DAB1: variants seen among roughly 807,000 people sequenced by gnomAD.
DAB1 encodes DAB adaptor protein 1.
In DAB1, 15 loss-of-function variants were observed where a neutral mutation model predicts 64.6. The observed-to-expected ratio is 0.23, with a 90% confidence interval of 0.16 to 0.36. The LOEUF (loss-of-function observed/expected upper bound fraction) is 0.36. Among genes scored for constraint, DAB1 ranks in the 10% least tolerant of loss-of-function variants. DAB1 has a pLI of 1.00. For synonymous variants in DAB1, 235 were observed against 251.9 expected (o/e 0.93, Z 0.64); for missense variants, 596 against 706.7 (o/e 0.84, Z 1.78).
intron 9 of DAB1, among the ~76,000 whole-genome samples, chr1:57,048,563 C>T (rs1370189346): frequency 2.0e-5 from 3 of 152,200 alleles, no homozygotes; most frequent in Non-Finnish European, 2.9e-5. Flanking sequence ...CTTCACTTCT[C>T]CTACCCACGT....
At chr1:57,189,883 G>A (rs528656149) in intron 2 of DAB1, among the ~76,000 whole-genome samples, 6 of 152,070 alleles carry the variant, frequency 3.9e-5, no homozygotes, top group South Asian at 2.1e-4. Flanking sequence ...CAACCATAAG[G>A]GTCTGTCATG....
chr1:57,131,905 G>T (rs1052863031), intron 4 of DAB1, among the ~76,000 whole-genome samples: 7 of 152,034 alleles, frequency 4.6e-5, no homozygotes, highest in African/African-American at 1.7e-4. Flanking sequence ...GTGAGTCATT[G>T]TGCTAGCTAG....
chr1:57,460,325 A>G (rs1157668267), intron 7 of DAB1, among the ~76,000 whole-genome samples: 2 of 152,104 alleles, frequency 1.3e-5, no homozygotes, highest in Admixed American at 1.3e-4. Context: ...CTTTGCTCTT[A>G]TTATTATTCT....
intron 4 of DAB1, among the ~76,000 whole-genome samples, chr1:58,224,824 A>C (rs1316330230): frequency 6.6e-6 from 1 of 152,202 alleles, no homozygotes; most frequent in African/African-American, 2.4e-5. Flanking sequence ...GATGGATTAA[A>C]GACTTAAATG....
intron 1 of DAB1, among the ~76,000 whole-genome samples, chr1:57,846,541 G>A (rs1430023569): frequency 6.6e-6 from 1 of 150,680 alleles, no homozygotes. Context: ...AAAATACATT[G>A]AAAGCCTACT....
intron 3 of DAB1, among the ~76,000 whole-genome samples, chr1:58,396,485 G>T (rs781444586): frequency 6.6e-6 from 1 of 151,958 alleles, no homozygotes; most frequent in Non-Finnish European, 1.5e-5. Flanking sequence ...AGGAGAGAAA[G>T]AAAACACAGA....
chr1:58,535,969 TGTTA>T (rs142160451), intron 1 of DAB1, among the ~76,000 whole-genome samples: 4,086 of 152,228 alleles, frequency 0.027, 181 homozygotes, highest in African/African-American at 0.092. Flanking sequence ...TTACATACTG[TGTTA>T]GTATTTAAAA....
At chr1:57,213,102 T>C (rs900368279) in intron 2 of DAB1, among the ~76,000 whole-genome samples, 2 of 151,194 alleles carry the variant, frequency 1.3e-5, no homozygotes, top group African/African-American at 4.9e-5. Flanking sequence ...TAAAGCAGCA[T>C]TGTCCAAAAA....
At chr1:57,149,293 G>T (rs1038438940) in intron 2 of DAB1, among the ~76,000 whole-genome samples, 1 of 152,112 alleles carries the variant, frequency 6.6e-6, no homozygotes, top group Non-Finnish European at 1.5e-5. Context: ...GAACATTTGT[G>T]TACAAGTTTT....
intron 4 of DAB1, among the ~76,000 whole-genome samples, chr1:58,321,032 C>T (rs1039389540): frequency 2.0e-5 from 3 of 152,214 alleles, no homozygotes; most frequent in Non-Finnish European, 4.4e-5. Flanking sequence ...TGACTTAGCC[C>T]TTGGCTCTAG....
At chr1:58,118,429 T>C (rs370666008) in intron 5 of DAB1, among the ~76,000 whole-genome samples, 1 of 114,664 alleles carries the variant, frequency 8.7e-6, no homozygotes, top group Non-Finnish European at 1.7e-5. Context: ...AGATAATACT[T>C]ATAGGAGATA....
At chr1:58,118,503 T>TATATATATATATATATATATAC (rs1341446315) in intron 5 of DAB1, among the ~76,000 whole-genome samples, 1 of 53,124 alleles carries the variant, frequency 1.9e-5, no homozygotes, top group Non-Finnish European at 2.9e-5. Context: ...TATATATATA[T>TATATATATATATATATATATAC]ACACACACAC....
chr1:58,426,435 A>G (rs1644822610), intron 3 of DAB1, among the ~76,000 whole-genome samples: 1 of 152,236 alleles, frequency 6.6e-6, no homozygotes. Flanking sequence ...AGTACCTACT[A>G]CATACCAGGT....
intron 5 of DAB1, among the ~76,000 whole-genome samples, chr1:58,070,114 C>T (rs1649140338): frequency 6.6e-6 from 1 of 152,184 alleles, no homozygotes. Flanking sequence ...CAGATGCTTG[C>T]TGCCCTAATT....
chr1:58,125,614 A>T (rs1477731358), intron 5 of DAB1, among the ~76,000 whole-genome samples: 10 of 151,754 alleles, frequency 6.6e-5, no homozygotes, highest in East Asian at 2.0e-4. Context: ...GATACTTTTT[A>T]AAAAAATGTT....
intron 2 of DAB1, among the ~76,000 whole-genome samples, chr1:57,206,406 A>C (rs197610): frequency 1.3e-5 from 2 of 152,010 alleles, no homozygotes; most frequent in Non-Finnish European, 1.5e-5. Context: ...TACCTCATTG[A>C]TAAGATTTGT....
chr1:57,327,725 G>A (rs1676292857), intron 1 of DAB1, among the ~76,000 whole-genome samples: 3 of 152,112 alleles, frequency 2.0e-5, no homozygotes, highest in African/African-American at 7.2e-5. Flanking sequence ...AAAACAAGAA[G>A]GAAAGGATTC....
intron 9 of DAB1, among the ~76,000 whole-genome samples, chr1:57,060,145 A>ATTTTATTTTATTTTATTTTATTTTG (rs1650235763): frequency 3.4e-5 from 5 of 148,068 alleles, no homozygotes; most frequent in Non-Finnish European, 7.4e-5. Flanking sequence ...ATTTTATTTT[A>ATTTTATTTTATTTTATTTTATTTTG]TTTTATTTTA....
chr1:58,051,048 AT>A (rs755067672), intron 5 of DAB1, among the ~76,000 whole-genome samples: 8 of 151,838 alleles, frequency 5.3e-5, no homozygotes, highest in African/African-American at 9.7e-5. Flanking sequence ...AAGAGAAGAA[AT>A]TTTTTTTATA....
Sources: gnomAD v4.1 joint callset for allele counts (sites outside exome capture counted in the v4.1 genomes callset) on GRCh38, gnomAD v4.1.1 for gene constraint, MANE v1.5 for transcripts, NCBI Gene and HGNC (gene_info 2026-07-23, HGNC 2026-07-21) for gene names.